TAS2R1: variants seen among roughly 807,000 people sequenced by gnomAD.
TAS2R1 encodes the protein taste 2 receptor member 1.
For missense variants in TAS2R1, 370 were observed against 353.4 expected (o/e 1.05, Z -0.38); for synonymous variants, 141 against 134.2 (o/e 1.05, Z -0.35).
the TAS2R1 span, among the ~76,000 whole-genome samples, chr5:9,772,106 G>A: frequency 6.6e-6 from 1 of 151,482 alleles, no homozygotes; most frequent in Non-Finnish European, 1.5e-5. Flanking sequence ...TTGTTTATTC[G>A]AAGTTTTTCT....
intron 2 of TAS2R1, among the ~76,000 whole-genome samples, chr5:9,648,954 T>G (rs547274106): frequency 6.6e-5 from 10 of 152,296 alleles, no homozygotes; most frequent in African/African-American, 2.2e-4. Flanking sequence ...CTCTTTTATC[T>G]GGCAGTGCTT....
intron 1 of TAS2R1, among the ~76,000 whole-genome samples, chr5:9,662,990 G>A (rs1472910881): frequency 6.6e-6 from 1 of 151,554 alleles, no homozygotes; most frequent in African/African-American, 2.4e-5. Flanking sequence ...GTGGTAGTTA[G>A]GGCTGTTCTC....
At chr5:9,673,575 A>G (rs1242597336) in intron 1 of TAS2R1, among the ~76,000 whole-genome samples, 1 of 151,898 alleles carries the variant, frequency 6.6e-6, no homozygotes, top group Non-Finnish European at 1.5e-5. Flanking sequence ...ATAAAAATCA[A>G]AATAAGTATT....
chr5:9,773,394 GCAA>G, the TAS2R1 span, among the ~76,000 whole-genome samples: 5 of 151,870 alleles, frequency 3.3e-5, no homozygotes, highest in African/African-American at 1.2e-4. Context: ...ACTGTTTGTA[GCAA>G]TTTATTTTGA....
chr5:9,826,235 T>A, the TAS2R1 span, among the ~76,000 whole-genome samples: 1 of 152,158 alleles, frequency 6.6e-6, no homozygotes, highest in African/African-American at 2.4e-5. Flanking sequence ...TACTAATAAA[T>A]CCATAATTCA....
chr5:9,742,235 G>A, the TAS2R1 span, among the ~76,000 whole-genome samples: 3 of 152,100 alleles, frequency 2.0e-5, no homozygotes, highest in Non-Finnish European at 4.4e-5. Context: ...CGAGTGTTTT[G>A]CTAACAGATG....
At chr5:9,679,307 C>T (rs1235300552) in intron 1 of TAS2R1, among the ~76,000 whole-genome samples, 1 of 152,104 alleles carries the variant, frequency 6.6e-6, no homozygotes. Context: ...ATTTCTAAAG[C>T]CCGTAGAATT....
chr5:9,870,325 G>C, the TAS2R1 span: 1 of 152,202 alleles, frequency 6.6e-6, no homozygotes, highest in Non-Finnish European at 1.5e-5. Context: ...AGATAGGCCA[G>C]AGTAACCTCA....
the TAS2R1 span, among the ~76,000 whole-genome samples, chr5:9,776,961 TA>T: frequency 3.9e-5 from 6 of 152,220 alleles, no homozygotes; most frequent in African/African-American, 1.4e-4. Flanking sequence ...AACATATGTT[TA>T]AAAAATGTAC....
At chr5:9,812,426 A>T in the TAS2R1 span, among the ~76,000 whole-genome samples, 1 of 152,090 alleles carries the variant, frequency 6.6e-6, no homozygotes, top group South Asian at 2.1e-4. Context: ...CAATGAATGG[A>T]TCAATCCAGC....
chr5:9,772,933 T>A, the TAS2R1 span, among the ~76,000 whole-genome samples: 1 of 152,142 alleles, frequency 6.6e-6, no homozygotes, highest in Non-Finnish European at 1.5e-5. Flanking sequence ...TTGGGTATTG[T>A]GTTTTTCATC....
At chr5:9,899,251 C>G in the TAS2R1 span, among the ~76,000 whole-genome samples, 5 of 152,136 alleles carry the variant, frequency 3.3e-5, no homozygotes, top group Non-Finnish European at 5.9e-5. Flanking sequence ...CTTCATTTCT[C>G]CATTCCACTC....
rs1237344475 is a variant in TAS2R1, at chr5:9,630,091, T to A, written c.-59A>T. ...ATGAAGTTATAAAGTTTTGGACAGG[T>A]TGGGTTGTTCACGCTCTTCAATTAG... On this transcript the variant is annotated 5_prime_UTR_variant, in exon 1 of 1. Coordinates refer to ENST00000382492, the MANE Select transcript of TAS2R1 (RefSeq NM_019599.3). The A allele has an allele frequency of 2.8e-6, 4 of 1,424,732 alleles. No individual in the cohort carries two copies. In the African/African-American group the frequency reaches 5.8e-5, roughly 21 times the overall value. The allele number at this position is 1,424,732 out of a possible 1,614,324, so 88.3% of individuals were successfully genotyped here. A position where few individuals can be genotyped will look rare whatever the true frequency, so the allele number is the denominator to read the frequency against.
the TAS2R1 span, among the ~76,000 whole-genome samples, chr5:9,762,198 G>A: frequency 6.6e-6 from 1 of 152,146 alleles, no homozygotes; most frequent in Non-Finnish European, 1.5e-5. Flanking sequence ...GCTAAGGGTA[G>A]GTCATTAGCC....
At chr5:9,839,476 A>G in the TAS2R1 span, among the ~76,000 whole-genome samples, 4 of 152,350 alleles carry the variant, frequency 2.6e-5, no homozygotes, top group African/African-American at 9.6e-5. Flanking sequence ...CTTAAAACAA[A>G]ATAAAAAAAG....
chr5:9,743,150 T>G, the TAS2R1 span, among the ~76,000 whole-genome samples: 1 of 152,086 alleles, frequency 6.6e-6, no homozygotes, highest in Non-Finnish European at 1.5e-5. Flanking sequence ...TTATGATACA[T>G]TCCAGATTAA....
intron 1 of TAS2R1, chr5:9,659,630 T>G (rs574057814): frequency 3.3e-5 from 5 of 151,888 alleles, no homozygotes; most frequent in African/African-American, 1.2e-4. Flanking sequence ...TTAAAGATAC[T>G]AGAAAGAAAA....
At chr5:9,767,679 C>T in the TAS2R1 span, among the ~76,000 whole-genome samples, 1 of 152,100 alleles carries the variant, frequency 6.6e-6, no homozygotes, top group African/African-American at 2.4e-5. Context: ...CCTGTACTCT[C>T]AGCACGTTGG....
At chr5:9,842,477 C>T in the TAS2R1 span, among the ~76,000 whole-genome samples, 22 of 151,904 alleles carry the variant, frequency 1.4e-4, no homozygotes, top group African/African-American at 4.6e-4. Flanking sequence ...CCCACCACCA[C>T]GGCCGGCTAA....
Sources: gnomAD v4.1 joint callset for allele counts (sites outside exome capture counted in the v4.1 genomes callset) on GRCh38, gnomAD v4.1.1 for gene constraint, MANE v1.5 for transcripts, NCBI Gene and HGNC (gene_info 2026-07-23, HGNC 2026-07-21) for gene names.